Variants in TGM7 observed in about 807,000 individuals in gnomAD.
TGM7 encodes protein-glutamine gamma-glutamyltransferase Z.
A neutral mutation model predicts 79.5 loss-of-function variants in TGM7; 74 were observed. That is an observed-to-expected ratio of 0.93 (90% CI 0.77 to 1.13). TGM7 has a LOEUF of 1.13. Ranked by LOEUF, TGM7 falls within the 50% of genes most tolerant of loss-of-function variation. The probability of loss-of-function intolerance (pLI) is 0.00; values close to 1 mark genes in which losing one functional copy is unlikely to be tolerated. For missense variants in TGM7, 912 were observed against 905.9 expected (o/e 1.01, Z -0.09); for synonymous variants, 354 against 362.5 (o/e 0.98, Z 0.27).
chr15:43,289,671 G>T (rs2042954751), intron 4 of TGM7, among the ~76,000 whole-genome samples: 1 of 152,292 alleles, frequency 6.6e-6, no homozygotes, highest in South Asian at 2.1e-4. Flanking sequence ...CTAGTTTACA[G>T]TCCCACCAAC....
intron 6 of TGM7, among the ~76,000 whole-genome samples, chr15:43,286,060 A>G (rs2042934415): frequency 6.6e-6 from 1 of 152,168 alleles, no homozygotes; most frequent in East Asian, 1.9e-4. Flanking sequence ...CAAAAAGTAA[A>G]AGGAATATTG....
chr15:43,280,921 G>A (rs148768898), intron 9 of TGM7, among the ~76,000 whole-genome samples: 6 of 152,314 alleles, frequency 3.9e-5, no homozygotes, highest in East Asian at 1.9e-4. Context: ...AGTGTCTACC[G>A]CCCTTCATAT....
At chr15:43,299,198 T>C (rs540516647) in intron 1 of TGM7, among the ~76,000 whole-genome samples, 20 of 152,330 alleles carry the variant, frequency 1.3e-4, no homozygotes, top group Middle Eastern at 6.8e-3. Context: ...AAGTGCTACT[T>C]TGATTAAAGG....
chr15:43,292,069 T>C lies in TGM7; in HGVS notation c.468A>G (p.Ile156Met), dbSNP rs755844846. ...CTCGCATGATATACTCCTGCAGCAG[T>C]ATTTCACTTGGCAGGTAGACGTCGT... ...PEDDVYLPSEILLQEYIMRDY... is the reference protein window; with the variant it reads ...PEDDVYLPSEMLLQEYIMRDY... Residue 156 changes from isoleucine (I) to methionine (M), a missense_variant, in exon 4 of 13, where the codon ATA (isoleucine) becomes ATG (methionine). Transcript: ENST00000452443. The C allele has an allele frequency of 1.2e-6, 2 of 1,613,944 alleles. No homozygotes were observed. Among genetic ancestry groups the C allele is most frequent in the South Asian group, 2.2e-5 (2 of 91,070 alleles).
In TGM7 at chr15:43,279,143, G is replaced by C. The variant is rs2042892537; in HGVS notation, c.1813C>G (p.Leu605Val). The change falls in exon 11 of 13, where the codon CTG (leucine) becomes GTG (valine). Residue 605 changes from leucine (L) to valine (V), a missense_variant. Transcript: ENST00000452443. ...RSMLVLKDIC[L>V]EPPHLSIEVS... ...TCAATAGACAAGTGGGGAGGCTCCA[G>C]ACAGATATCTTTTAGGACCAGCATG... The C allele has an allele frequency of 1.9e-6, 3 of 1,614,008 alleles. No individual in the cohort carries two copies. Among genetic ancestry groups the C allele is most frequent in the Non-Finnish European group, 2.5e-6 (3 of 1,179,994 alleles).
intron 11 of TGM7, among the ~76,000 whole-genome samples, chr15:43,278,747 C>T (rs2042890382): frequency 6.6e-6 from 1 of 152,254 alleles, no homozygotes; most frequent in Non-Finnish European, 1.5e-5. Flanking sequence ...AGCCACCATG[C>T]TTAGCCAGTG....
At position 43,285,265 on chromosome 15, in the gene TGM7, G is replaced by C. The variant is rs147319231; in HGVS notation, c.866-313C>G. ...AAGTTAAAGACAGAGGGCCAGGCGCGGTGGCTTACGCCTGTAATCCCAGCA... is the reference window on the plus strand; with the variant it reads ...AAGTTAAAGACAGAGGGCCAGGCGCCGTGGCTTACGCCTGTAATCCCAGCA... On this transcript the variant is annotated intron_variant, in intron 6 of 12. Coordinates refer to ENST00000452443, the MANE Select transcript of TGM7 (RefSeq NM_052955.3). Among the ~76,000 whole-genome samples, 1,452 of 152,294 alleles carry C rather than the reference G, an allele frequency of 9.5e-3. 30 individuals are homozygous for C. The highest frequency in any genetic ancestry group is 0.034 in the African/African-American group (1,392 of 41,546).
At chr15:43,279,454 C>T (rs761895054) in intron 10 of TGM7, among the ~76,000 whole-genome samples, 171 bp downstream of exon 10, 3 of 152,350 alleles carry the variant, frequency 2.0e-5, no homozygotes, top group East Asian at 1.9e-4. Context: ...TGCTCCGTCT[C>T]GCCTGGTGGG....
intron 7 of TGM7, among the ~76,000 whole-genome samples, chr15:43,283,338 T>A (rs997525317): frequency 6.6e-6 from 1 of 152,248 alleles, no homozygotes; most frequent in African/African-American, 2.4e-5. Context: ...TCTTCTCCCA[T>A]GTGGTACGCG....
Sources: gnomAD v4.1 joint callset for allele counts (sites outside exome capture counted in the v4.1 genomes callset) on GRCh38, gnomAD v4.1.1 for gene constraint, MANE v1.5 for transcripts, NCBI Gene and HGNC (gene_info 2026-07-23, HGNC 2026-07-21) for gene names.